The following TNS1 variants were observed in gnomAD, a reference collection of about 807,000 sequenced individuals.
TNS1 encodes the protein tensin-1.
TNS1 carries 62 observed loss-of-function variants against 168.6 expected under a neutral mutation model. The ratio of observed to expected loss-of-function variants is 0.37; its 90% CI spans 0.30 to 0.45. The LOEUF is 0.45. Among genes scored for constraint, TNS1 ranks in the 20% least tolerant of loss-of-function variants. The probability of loss-of-function intolerance (pLI) is 1.00; values close to 1 mark genes in which losing one functional copy is unlikely to be tolerated. For synonymous variants in TNS1, 934 were observed against 933.2 expected, an observed-to-expected ratio of 1.00 and a Z score of -0.02; for missense variants, 2,240 against 2,339.4, an observed-to-expected ratio of 0.96 and a Z score of 0.88.
intron 3 of TNS1, chr2:217,936,912 A>G (rs1328858859): frequency 4.4e-6 from 2 of 456,456 alleles, no homozygotes; most frequent in African/African-American, 4.0e-5. Flanking sequence ...AGATGCAGAC[A>G]CTAAGGCTCA....
At chr2:217,964,652 C>A (rs1056192338) in intron 3 of TNS1, among the ~76,000 whole-genome samples, 1 of 152,178 alleles carries the variant, frequency 6.6e-6, no homozygotes, top group East Asian at 1.9e-4. Context: ...AGTGTGAGTT[C>A]TGTATGCAGA....
At chr2:217,932,330 T>A (rs969167444) in intron 3 of TNS1, among the ~76,000 whole-genome samples, 2 of 152,228 alleles carry the variant, frequency 1.3e-5, no homozygotes, top group Non-Finnish European at 2.9e-5. Flanking sequence ...ATACCTTATT[T>A]AACTTCCCTG....
intron 4 of TNS1, among the ~76,000 whole-genome samples, chr2:217,910,094 C>G (rs1462098150): frequency 1.3e-5 from 2 of 152,178 alleles, no homozygotes; most frequent in Non-Finnish European, 2.9e-5. Context: ...TTGCCCCAAC[C>G]CTCCTGGGTC....
chr2:217,854,256 A>C (rs1947859349), intron 18 of TNS1, among the ~76,000 whole-genome samples: 1 of 152,178 alleles, frequency 6.6e-6, no homozygotes, highest in Admixed American at 6.5e-5. Context: ...TTGCTTATTT[A>C]GATGTTAGGA....
At position 217,804,291 on chromosome 2, in the gene TNS1, T is replaced by C. The variant is rs1314785979; in HGVS notation, c.*168A>G. The C allele has an allele frequency of 1.3e-5, 9 of 692,960 alleles. No individual in the cohort carries two copies. Among genetic ancestry groups the C allele is most frequent in the Admixed American group, 2.9e-5 (1 of 34,278 alleles). The allele number at this position is 692,960 out of a possible 1,614,324, so 42.9% of individuals were successfully genotyped here. A position where few individuals can be genotyped will look rare whatever the true frequency, so the allele number is the denominator to read the frequency against. Reference sequence around the variant, plus strand: ...CTCTCTCTCTCTCTCTCTCTCTCTTTTCCCCCTCCCCTCTGCAATTCACTT... The same window carrying C: ...CTCTCTCTCTCTCTCTCTCTCTCTTCTCCCCCTCCCCTCTGCAATTCACTT... On this transcript the variant is annotated 3_prime_UTR_variant, in exon 33 of 33. Transcript: ENST00000682258.
intron 3 of TNS1, among the ~76,000 whole-genome samples, chr2:217,972,227 A>T (rs1957788533): frequency 1.3e-5 from 2 of 152,226 alleles, no homozygotes; most frequent in Non-Finnish European, 2.9e-5. Context: ...CTTGCCCAAG[A>T]TCACACAGCC....
chr2:218,009,293 A>C (rs369182027), intron 1 of TNS1, among the ~76,000 whole-genome samples: 5 of 152,096 alleles, frequency 3.3e-5, no homozygotes, highest in East Asian at 3.9e-4. Flanking sequence ...TCCAGGGAGA[A>C]TTTAAAGTTA....
chr2:217,801,887 A>C lies in TNS1; in HGVS notation c.*2572T>G, dbSNP rs1937524011. The C allele has an allele frequency of 6.6e-6, 1 of 152,198 alleles. No homozygotes were observed. The highest frequency in any genetic ancestry group is 2.1e-4 in the South Asian group (1 of 4,824). 9.4% of individuals were successfully genotyped at this position (152,198 alleles called of 1,614,324 possible). On this transcript the variant is annotated 3_prime_UTR_variant, in exon 33 of 33. Coordinates refer to ENST00000682258, the MANE Select transcript of TNS1 (RefSeq NM_001387777.1). ...AGGGAGTTACCAGCTTTCTGGCATG[A>C]ATGGGTCCTCCCGCAGGGGCACACA... is the stretch of plus-strand genomic sequence containing the variant.
At chr2:217,905,422 T>C in intron 6 of TNS1, 1 of 434,720 alleles carries the variant, frequency 2.3e-6, no homozygotes, top group South Asian at 1.6e-5. Context: ...CAGGGCAATG[T>C]GGTGGTGGCA....
chr2:217,936,656 C>A (rs868153213), intron 3 of TNS1, among the ~76,000 whole-genome samples: 13 of 152,262 alleles, frequency 8.5e-5, no homozygotes, highest in Non-Finnish European at 1.6e-4. Context: ...CTCATCATGT[C>A]TTCCCTGTAT....
At chr2:217,884,646 T>G (rs916805167) in intron 16 of TNS1, among the ~76,000 whole-genome samples, 1 of 152,054 alleles carries the variant, frequency 6.6e-6, no homozygotes, top group Non-Finnish European at 1.5e-5. Context: ...ATGTTTTACT[T>G]TGTATCCCCG....
chr2:218,028,475 C>A (rs1039690489), intron 1 of TNS1, among the ~76,000 whole-genome samples: 3 of 152,216 alleles, frequency 2.0e-5, no homozygotes, highest in African/African-American at 7.2e-5. Context: ...CCTTGGGCAA[C>A]CTTTATTGAG....
At chr2:218,020,674 G>A (rs550646725) in intron 1 of TNS1, among the ~76,000 whole-genome samples, 2 of 152,206 alleles carry the variant, frequency 1.3e-5, no homozygotes, top group East Asian at 3.8e-4. Context: ...GACCCTGGGG[G>A]TTCTGAGTTA....
At chr2:217,970,909 T>TA (rs1162881945) in intron 3 of TNS1, among the ~76,000 whole-genome samples, 2,068 of 145,602 alleles carry the variant, frequency 0.014, 44 homozygotes, top group African/African-American at 0.046. Context: ...ATAAAGTTGT[T>TA]AAAAAAAAAA....
intron 22 of TNS1, chr2:217,830,236 A>G: frequency 8.3e-7 from 1 of 1,198,686 alleles, no homozygotes; most frequent in Non-Finnish European, 1.2e-6. Flanking sequence ...GGCTGGTGAG[A>G]GGCAGCCCCC....
At position 217,849,098 on chromosome 2, in the gene TNS1, CAG is replaced by C. The variant is rs766941427; in HGVS notation, c.1430-13_1430-12del. 1.2e-6 allele frequency: 2 copies of C among 1,603,960 alleles called. No homozygotes were observed. Among genetic ancestry groups the C allele is most frequent in the Non-Finnish European group, 1.7e-6 (2 of 1,173,732 alleles). On this transcript the variant is annotated splice_polypyrimidine_tract_variant and intron_variant, in intron 18 of 32. Coordinates refer to ENST00000682258, the MANE Select transcript of TNS1 (RefSeq NM_001387777.1). ...TGTGTCCCACCACCTCTGCAAGGGA[CAG>C]AGCCGGAGGGGAGACAACAGACAAC...
intron 3 of TNS1, among the ~76,000 whole-genome samples, chr2:217,953,525 T>A (rs1396793236): frequency 6.6e-6 from 1 of 152,196 alleles, no homozygotes; most frequent in Non-Finnish European, 1.5e-5. Context: ...AAGTACTTGG[T>A]GGTGGTTGTG....
upstream of TNS1, among the ~76,000 whole-genome samples, chr2:218,011,039 T>C (rs1009218008): frequency 3.3e-5 from 5 of 152,136 alleles, no homozygotes; most frequent in African/African-American, 4.8e-5. Flanking sequence ...CCCCACAGGT[T>C]GGAAGGGACC....
In TNS1 at chr2:217,954,109, C is replaced by G. The variant is rs550771830; in HGVS notation, c.186+24656G>C. On this transcript the variant is annotated intron_variant, in intron 3 of 32. Transcript: ENST00000682258. ...GGGCTAATAAGCCCGCCAGGCTCTCCTTGTCTCTCCAGCCTGGCGAGGTGC... is the reference window on the plus strand; with the variant it reads ...GGGCTAATAAGCCCGCCAGGCTCTCGTTGTCTCTCCAGCCTGGCGAGGTGC... Among the ~76,000 whole-genome samples, 967 of 152,310 alleles carry G rather than the reference C, an allele frequency of 6.3e-3. 12 individuals carry two copies. The highest frequency in any genetic ancestry group is 0.022 in the African/African-American group (923 of 41,566).
Sources: allele counts gnomAD v4.1 joint callset (sites outside exome capture counted in the v4.1 genomes callset), GRCh38; gene constraint gnomAD v4.1.1; transcripts MANE v1.5; gene names NCBI Gene and HGNC (gene_info 2026-07-23, HGNC 2026-07-21).